The following TPST1 variants were observed in gnomAD, a reference collection of about 807,000 sequenced individuals.
TPST1 encodes protein-tyrosine sulfotransferase 1.
TPST1 carries 20 observed loss-of-function variants against 34.8 expected under a neutral mutation model. That is an observed-to-expected ratio of 0.57 (90% CI 0.40 to 0.84). TPST1 has a LOEUF of 0.84. TPST1 is among the 40% of genes least tolerant of loss of function. The pLI is 0.00. For missense variants in TPST1, 353 were observed against 455.5 expected (o/e 0.78, Z 2.05); for synonymous variants, 152 against 159.4 (o/e 0.95, Z 0.35).
intron 1 of TPST1, among the ~76,000 whole-genome samples, chr7:66,217,454 T>C (rs1386214970): frequency 6.6e-6 from 1 of 152,224 alleles, no homozygotes; most frequent in Admixed American, 6.5e-5. Context: ...TTTTGTCTCT[T>C]TTGTGGTAAC....
chr7:66,316,042 G>A (rs143287092), intron 3 of TPST1, among the ~76,000 whole-genome samples: 2,032 of 151,692 alleles, frequency 0.013, 54 homozygotes, highest in African/African-American at 0.046. Context: ...CTCAGGATGC[G>A]GAGGTTGCGG....
Position 66,360,262 on chromosome 7 carries a change from T to C in TPST1, c.*397T>C, listed in dbSNP as rs1792664056. 1 of 238,276 alleles carries C rather than the reference T, an allele frequency of 4.2e-6. No individual in the cohort carries two copies. The highest frequency in any genetic ancestry group is 5.7e-5 in the South Asian group (1 of 17,456). 14.8% of individuals were successfully genotyped at this position (238,276 alleles called of 1,614,324 possible). On this transcript the variant is annotated 3_prime_UTR_variant, in exon 6 of 6. Transcript: ENST00000304842. ...CCTTTTGAAATAGGTTGTCTGTACATGTTCTAATGTTTTGTAGAACACGTG... is the reference window on the plus strand; with the variant it reads ...CCTTTTGAAATAGGTTGTCTGTACACGTTCTAATGTTTTGTAGAACACGTG...
At chr7:66,199,589 T>C in the TPST1 span, among the ~76,000 whole-genome samples, 3 of 151,660 alleles carry the variant, frequency 2.0e-5, no homozygotes, top group Admixed American at 1.3e-4. Context: ...CCACTGCACC[T>C]GGCCTCAAAT....
At chr7:66,320,239 C>CT (rs1791722494) in intron 3 of TPST1, among the ~76,000 whole-genome samples, 2 of 143,598 alleles carry the variant, frequency 1.4e-5, no homozygotes, top group African/African-American at 2.6e-5. Flanking sequence ...TTCTTTTTTT[C>CT]TTTTTCTTTT....
chr7:66,338,142 AAG>A (rs1204961176), intron 3 of TPST1, among the ~76,000 whole-genome samples: 1 of 152,260 alleles, frequency 6.6e-6, no homozygotes, highest in African/African-American at 2.4e-5. Context: ...GGTATGGAAA[AAG>A]ATAATTTATG....
intron 1 of TPST1, among the ~76,000 whole-genome samples, chr7:66,208,485 T>TG (rs1226932228): frequency 4.6e-5 from 7 of 152,176 alleles, no homozygotes; most frequent in Admixed American, 4.6e-4. Context: ...AGTTTTTTTT[T>TG]TGTGACACAG....
chr7:66,352,877 C>T, intron 4 of TPST1: 1 of 985,422 alleles, frequency 1.0e-6, no homozygotes, highest in Non-Finnish European at 1.2e-6. Flanking sequence ...GTTCCAGTGC[C>T]TAATTTGAAA....
intron 1 of TPST1, among the ~76,000 whole-genome samples, chr7:66,239,485 C>T (rs1029081424): frequency 6.6e-6 from 1 of 152,198 alleles, no homozygotes; most frequent in African/African-American, 2.4e-5. Context: ...AAAGTTGGTC[C>T]TCAGTCGAGC....
chr7:66,231,513 G>A (rs1562805509), intron 1 of TPST1, among the ~76,000 whole-genome samples: 1 of 152,238 alleles, frequency 6.6e-6, no homozygotes, highest in African/African-American at 2.4e-5. Context: ...CCGTGGGAAG[G>A]CAGCTAAGTC....
chr7:66,282,756 TC>T (rs1324568323), intron 2 of TPST1, among the ~76,000 whole-genome samples: 2 of 152,218 alleles, frequency 1.3e-5, no homozygotes, highest in African/African-American at 2.4e-5. Context: ...TTTGTGTGGC[TC>T]CCCAACCAGA....
chr7:66,312,163 T>C (rs1312466859), intron 3 of TPST1, among the ~76,000 whole-genome samples: 1 of 152,246 alleles, frequency 6.6e-6, no homozygotes, highest in Non-Finnish European at 1.5e-5. Flanking sequence ...TAATCCCATC[T>C]GAAGGTCTAT....
intron 2 of TPST1, among the ~76,000 whole-genome samples, chr7:66,250,173 G>A (rs1790234343): frequency 6.6e-6 from 1 of 152,140 alleles, no homozygotes; most frequent in Non-Finnish European, 1.5e-5. Flanking sequence ...TGAGCTCTCT[G>A]TGTGCCTTAT....
intron 2 of TPST1, among the ~76,000 whole-genome samples, chr7:66,253,175 T>A (rs1326713411): frequency 1.3e-5 from 2 of 152,112 alleles, no homozygotes; most frequent in Non-Finnish European, 2.9e-5. Context: ...TAGAGATGAT[T>A]TAAAGTATAA....
At chr7:66,243,104 T>C (rs1037084295) in intron 2 of TPST1, among the ~76,000 whole-genome samples, 1 of 152,144 alleles carries the variant, frequency 6.6e-6, no homozygotes, top group African/African-American at 2.4e-5. Context: ...CATTCATTTC[T>C]TTTAGGTATA....
intron 2 of TPST1, among the ~76,000 whole-genome samples, chr7:66,253,319 G>A (rs1790306029): frequency 6.6e-6 from 1 of 151,508 alleles, no homozygotes; most frequent in African/African-American, 2.4e-5. Context: ...TACCAGCTAG[G>A]TTAAACATCA....
chr7:66,306,854 C>G (rs111555909), intron 3 of TPST1, among the ~76,000 whole-genome samples: 2 of 150,552 alleles, frequency 1.3e-5, no homozygotes, highest in African/African-American at 4.9e-5. Flanking sequence ...CTTGGGATTA[C>G]GGGCAGCCGC....
chr7:66,230,715 T>C (rs1789764881), intron 1 of TPST1, among the ~76,000 whole-genome samples: 1 of 152,080 alleles, frequency 6.6e-6, no homozygotes, highest in Non-Finnish European at 1.5e-5. Flanking sequence ...AGAACAAAGC[T>C]TCCACAGTGT....
At chr7:66,203,578 C>T (rs540264342), upstream of TPST1, among the ~76,000 whole-genome samples, 7 of 151,916 alleles carry the variant, frequency 4.6e-5, no homozygotes, top group East Asian at 7.8e-4. Flanking sequence ...CTCCACCTCC[C>T]GGGTTCACGC....
At chr7:66,267,163 G>A (rs1031692715) in intron 2 of TPST1, among the ~76,000 whole-genome samples, 1 of 152,090 alleles carries the variant, frequency 6.6e-6, no homozygotes, top group South Asian at 2.1e-4. Flanking sequence ...ACTGTTAAAA[G>A]CATTAAGATA....
Sources: allele counts gnomAD v4.1 joint callset (sites outside exome capture counted in the v4.1 genomes callset), GRCh38; gene constraint gnomAD v4.1.1; transcripts MANE v1.5; gene names NCBI Gene and HGNC (gene_info 2026-07-23, HGNC 2026-07-21).